Variants in GMDS observed in about 807,000 individuals in gnomAD.
GMDS encodes GDP-mannose 4,6-dehydratase, also known as GDP-mannose 4,6 dehydratase.
Under a neutral mutation model 49.9 loss-of-function variants are expected in GMDS, and 20 were observed. That is an observed-to-expected ratio of 0.40 (90% CI 0.28 to 0.58). The LOEUF is 0.58. Among genes scored for constraint, GMDS ranks in the 20% least tolerant of loss-of-function variants. The pLI is 0.42. For synonymous variants in GMDS, 177 were observed against 178.6 expected (o/e 0.99, Z 0.07); for missense variants, 362 against 481.4 (o/e 0.75, Z 2.32).
intron 1 of GMDS, among the ~76,000 whole-genome samples, chr6:2,240,074 A>G (rs993414117): frequency 3.3e-5 from 5 of 152,194 alleles, no homozygotes; most frequent in African/African-American, 9.6e-5. Flanking sequence ...ACTGCCTACA[A>G]TCCTCTTATA....
chr6:2,229,210 A>G (rs1304031606), intron 1 of GMDS, among the ~76,000 whole-genome samples: 1 of 152,230 alleles, frequency 6.6e-6, no homozygotes, highest in Admixed American at 6.5e-5. Context: ...TCTCATTTCC[A>G]GAAGATCATT....
chr6:1,900,035 C>T (rs1016863034), intron 7 of GMDS, among the ~76,000 whole-genome samples: 3 of 152,260 alleles, frequency 2.0e-5, no homozygotes, highest in South Asian at 2.1e-4. Context: ...GAAAAGTCCA[C>T]ACATCTGCCT....
At chr6:2,059,081 C>T (rs1770953522) in intron 4 of GMDS, among the ~76,000 whole-genome samples, 1 of 147,208 alleles carries the variant, frequency 6.8e-6, no homozygotes, top group African/African-American at 2.5e-5. Context: ...AAGGCTAAGC[C>T]AGGAGAATCT....
At chr6:2,236,239 A>C (rs1378542552) in intron 1 of GMDS, among the ~76,000 whole-genome samples, 1 of 152,200 alleles carries the variant, frequency 6.6e-6, no homozygotes, top group South Asian at 2.1e-4. Flanking sequence ...TGTTACCCAC[A>C]TGGTCTTTGA....
At chr6:1,827,078 A>ATGTG (rs111813765) in intron 7 of GMDS, among the ~76,000 whole-genome samples, 13,938 of 124,818 alleles carry the variant, frequency 0.11, 676 homozygotes, top group Middle Eastern at 0.16. Context: ...AAAAATATAT[A>ATGTG]TGTGTGTGTG....
At chr6:1,790,514 C>T (rs1769495744) in intron 7 of GMDS, among the ~76,000 whole-genome samples, 1 of 152,168 alleles carries the variant, frequency 6.6e-6, no homozygotes, top group South Asian at 2.1e-4. Flanking sequence ...GTTGGCTTAC[C>T]TACCTGTTTT....
chr6:2,059,806 T>G lies in GMDS; in HGVS notation c.345+55965A>C, dbSNP rs144921564. ...TTTTTAAACTTACCAACCCCAAATA[T>G]ATAATAAATAATTCTGACAGGGCGA... On this transcript the variant is annotated intron_variant, in intron 4 of 10. Coordinates refer to ENST00000380815, the MANE Select transcript of GMDS (RefSeq NM_001500.4). Among the ~76,000 whole-genome samples, 788 of 145,588 alleles carry G rather than the reference T, an allele frequency of 5.4e-3. 20 individuals carry two copies. In the East Asian group the frequency reaches 0.074, roughly 14 times the overall value.
intron 1 of GMDS, among the ~76,000 whole-genome samples, chr6:2,142,915 T>C (rs1776375441): frequency 6.6e-6 from 1 of 152,144 alleles, no homozygotes; most frequent in Non-Finnish European, 1.5e-5. Context: ...TGGTCCTTCC[T>C]CAACTCTTCC....
At chr6:1,967,458 A>G (rs2127311988) in intron 4 of GMDS, among the ~76,000 whole-genome samples, 1 of 152,352 alleles carries the variant, frequency 6.6e-6, no homozygotes, top group Admixed American at 6.5e-5. Flanking sequence ...GAATGATAAA[A>G]CAAGTTTGAT....
At chr6:1,838,424 G>A (rs1409777331) in intron 7 of GMDS, among the ~76,000 whole-genome samples, 1 of 152,218 alleles carries the variant, frequency 6.6e-6, no homozygotes, top group African/African-American at 2.4e-5. Flanking sequence ...CTCAAGTAAA[G>A]ATCATGCAGT....
intron 1 of GMDS, among the ~76,000 whole-genome samples, chr6:2,153,726 G>A (rs1353952703): frequency 6.6e-6 from 1 of 152,078 alleles, no homozygotes; most frequent in Non-Finnish European, 1.5e-5. Context: ...TATTGGTAGA[G>A]ATACTTTTAG....
At chr6:1,998,996 T>C (rs1766469994) in intron 4 of GMDS, among the ~76,000 whole-genome samples, 1 of 152,080 alleles carries the variant, frequency 6.6e-6, no homozygotes, top group African/African-American at 2.4e-5. Context: ...GTAATAAAGA[T>C]AATAATTCTA....
intron 4 of GMDS, among the ~76,000 whole-genome samples, chr6:2,064,708 C>A (rs1198277081): frequency 1.8e-4 from 27 of 152,122 alleles, no homozygotes; most frequent in Non-Finnish European, 1.3e-4. Context: ...GTGAGGGCAG[C>A]CTGGTCAGTT....
intron 7 of GMDS, among the ~76,000 whole-genome samples, chr6:1,817,953 A>G (rs1770737674): frequency 6.6e-6 from 1 of 152,164 alleles, no homozygotes; most frequent in Non-Finnish European, 1.5e-5. Context: ...GTAATGGTGC[A>G]AAAAGCTAAA....
chr6:1,857,668 T>G (rs1757995596), intron 7 of GMDS, among the ~76,000 whole-genome samples: 1 of 152,210 alleles, frequency 6.6e-6, no homozygotes, highest in South Asian at 2.1e-4. Context: ...GCTTCTACCT[T>G]TTTTGCATTA....
chr6:1,857,759 GGTTTT>G (rs1461233327), intron 7 of GMDS, among the ~76,000 whole-genome samples: 1 of 152,104 alleles, frequency 6.6e-6, no homozygotes, highest in Non-Finnish European at 1.5e-5. Context: ...CAGACTTCTT[GGTTTT>G]GTTTATTAAT....
intron 7 of GMDS, among the ~76,000 whole-genome samples, chr6:1,813,960 G>T (rs1770554674): frequency 6.6e-6 from 1 of 152,146 alleles, no homozygotes; most frequent in Non-Finnish European, 1.5e-5. Context: ...ATTGCTTCAT[G>T]TGAGTAAATT....
intron 7 of GMDS, among the ~76,000 whole-genome samples, chr6:1,841,748 T>C (rs77177123): frequency 0.028 from 4,244 of 152,138 alleles, 191 homozygotes; most frequent in African/African-American, 0.096. Context: ...GAGACACAGA[T>C]AGGAAGGGAG....
At chr6:1,737,794 TACATAC>T (rs1349702643) in intron 8 of GMDS, among the ~76,000 whole-genome samples, 1 of 37,696 alleles carries the variant, frequency 2.7e-5, no homozygotes, top group East Asian at 2.2e-3. Context: ...CATACACACA[TACATAC>T]ACACACATAC....
Sources: allele counts gnomAD v4.1 joint callset (sites outside exome capture counted in the v4.1 genomes callset), GRCh38; gene constraint gnomAD v4.1.1; transcripts MANE v1.5; gene names NCBI Gene and HGNC (gene_info 2026-07-23, HGNC 2026-07-21).